The following ZNF385D variants were observed in gnomAD, a reference collection of about 807,000 sequenced individuals.
ZNF385D encodes zinc finger protein 659.
A neutral mutation model predicts 35.8 loss-of-function variants in ZNF385D; 15 were observed. That is an observed-to-expected ratio of 0.42 (90% CI 0.28 to 0.64). The LOEUF is 0.64. Among genes scored for constraint, ZNF385D ranks in the 30% least tolerant of loss-of-function variants. ZNF385D has a pLI of 0.23. For missense variants in ZNF385D, 474 were observed against 494.6 expected (o/e 0.96, Z 0.39); for synonymous variants, 212 against 186.8 (o/e 1.13, Z -1.10).
intron 2 of ZNF385D, among the ~76,000 whole-genome samples, chr3:21,626,768 G>C (rs2125825853): frequency 6.6e-6 from 1 of 152,162 alleles, no homozygotes; most frequent in South Asian, 2.1e-4. Context: ...GAAAACCTAA[G>C]ATTAATATTT....
chr3:21,708,174 G>A (rs577052930), intron 1 of ZNF385D, among the ~76,000 whole-genome samples: 5 of 152,186 alleles, frequency 3.3e-5, no homozygotes, highest in African/African-American at 1.2e-4. Context: ...TGCTTATAAG[G>A]AAAAAAGTAA....
At chr3:21,785,061 C>T (rs1451364049) in intron 3 of ZNF385D, among the ~76,000 whole-genome samples, 2 of 152,144 alleles carry the variant, frequency 1.3e-5, no homozygotes, top group Non-Finnish European at 1.5e-5. Flanking sequence ...TCCATGCATG[C>T]ACTTCACAGT....
At chr3:22,049,275 AAC>A (rs1699199253) in intron 3 of ZNF385D, among the ~76,000 whole-genome samples, 1 of 145,462 alleles carries the variant, frequency 6.9e-6, no homozygotes, top group African/African-American at 2.6e-5. Context: ...CAGCCTGGGA[AAC>A]AAGAGCGAAA....
At chr3:21,971,894 G>A (rs561941988) in intron 3 of ZNF385D, among the ~76,000 whole-genome samples, 1 of 151,750 alleles carries the variant, frequency 6.6e-6, no homozygotes, top group Non-Finnish European at 1.5e-5. Context: ...ATAAAGGGAT[G>A]AATAAGGAGA....
At chr3:21,864,696 G>A (rs1697238292) in intron 3 of ZNF385D, among the ~76,000 whole-genome samples, 1 of 151,808 alleles carries the variant, frequency 6.6e-6, no homozygotes, top group Admixed American at 6.6e-5. Context: ...TTTTGCTATG[G>A]GTTTGCCTGA....
intron 3 of ZNF385D, among the ~76,000 whole-genome samples, chr3:22,034,415 A>AT (rs1260348205): frequency 1.3e-5 from 2 of 152,248 alleles, no homozygotes; most frequent in South Asian, 2.1e-4. Flanking sequence ...TATTTCTGTT[A>AT]TTTATATGCC....
At chr3:22,156,471 T>TAG (rs1049105843) in intron 3 of ZNF385D, among the ~76,000 whole-genome samples, 12 of 151,836 alleles carry the variant, frequency 7.9e-5, no homozygotes, top group Non-Finnish European at 1.6e-4. Flanking sequence ...GAGCTAGGTT[T>TAG]AGAGAGAGAG....
intron 3 of ZNF385D, among the ~76,000 whole-genome samples, chr3:21,920,504 C>T (rs8179943): frequency 0.54 from 80,764 of 150,872 alleles, 23,581 homozygotes; most frequent in South Asian, 0.66. Flanking sequence ...GACTTCAGAG[C>T]TTACAGATAG....
chr3:21,894,171 T>C (rs1276236395), intron 3 of ZNF385D, among the ~76,000 whole-genome samples: 3 of 152,136 alleles, frequency 2.0e-5, no homozygotes, highest in East Asian at 3.9e-4. Context: ...TTCTGATTTA[T>C]TTTCCTTTGA....
chr3:21,889,785 T>C (rs1035424250), intron 3 of ZNF385D, among the ~76,000 whole-genome samples: 2 of 152,104 alleles, frequency 1.3e-5, no homozygotes, highest in Non-Finnish European at 2.9e-5. Context: ...ATATATTATC[T>C]CACAGTTCTG....
intron 2 of ZNF385D, among the ~76,000 whole-genome samples, chr3:22,237,317 T>A (rs1399562869): frequency 6.6e-6 from 1 of 152,230 alleles, no homozygotes; most frequent in Non-Finnish European, 1.5e-5. Flanking sequence ...GCTATTTGTA[T>A]ATCTCTTGGA....
chr3:21,466,723 GT>G (rs1297854897), intron 4 of ZNF385D, among the ~76,000 whole-genome samples: 1 of 152,088 alleles, frequency 6.6e-6, no homozygotes, highest in Non-Finnish European at 1.5e-5. Context: ...TGAAAAGCTA[GT>G]TTTATTTCCT....
chr3:22,065,990 T>C (rs1699930446), intron 3 of ZNF385D, among the ~76,000 whole-genome samples: 1 of 152,124 alleles, frequency 6.6e-6, no homozygotes. Context: ...AAGGATTATT[T>C]ATTCCTGAAA....
chr3:21,930,560 T>A (rs943606220), intron 3 of ZNF385D, among the ~76,000 whole-genome samples: 2 of 151,774 alleles, frequency 1.3e-5, no homozygotes, highest in Non-Finnish European at 2.9e-5. Context: ...ATAAGAGAAC[T>A]TATATTTATC....
At chr3:21,813,871 G>C (rs369816727) in intron 3 of ZNF385D, among the ~76,000 whole-genome samples, 5 of 152,012 alleles carry the variant, frequency 3.3e-5, no homozygotes, top group Non-Finnish European at 5.9e-5. Context: ...GATAGTCCTC[G>C]AGAAGAGCAA....
intron 2 of ZNF385D, among the ~76,000 whole-genome samples, chr3:21,651,577 A>G (rs1242121393): frequency 1.3e-5 from 2 of 151,040 alleles, no homozygotes; most frequent in Non-Finnish European, 2.9e-5. Context: ...ATGGTTTCTC[A>G]AAGTCATTGT....
At chr3:22,009,678 G>A (rs1419460144) in intron 3 of ZNF385D, among the ~76,000 whole-genome samples, 2 of 151,350 alleles carry the variant, frequency 1.3e-5, no homozygotes, top group Non-Finnish European at 2.9e-5. Context: ...GCAGAAGGAT[G>A]TGTCAAATAT....
At chr3:22,215,714 C>T (rs1026610158) in intron 2 of ZNF385D, among the ~76,000 whole-genome samples, 6 of 151,994 alleles carry the variant, frequency 3.9e-5, no homozygotes, top group African/African-American at 1.2e-4. Context: ...TATTCTATTA[C>T]CTTGTGAAGC....
intron 2 of ZNF385D, among the ~76,000 whole-genome samples, chr3:22,302,385 AT>A (rs922122034): frequency 1.3e-5 from 2 of 151,454 alleles, no homozygotes; most frequent in African/African-American, 4.8e-5. Context: ...AATTATATAT[AT>A]ATATACATTA....
Sources: allele counts gnomAD v4.1 joint callset (sites outside exome capture counted in the v4.1 genomes callset), GRCh38; gene constraint gnomAD v4.1.1; transcripts MANE v1.5; gene names NCBI Gene and HGNC (gene_info 2026-07-23, HGNC 2026-07-21).